The following FUT8 variants were observed in gnomAD, a reference collection of about 807,000 sequenced individuals.
The protein encoded by FUT8 is fucosyltransferase 8.
A neutral mutation model predicts 71.3 loss-of-function variants in FUT8; 29 were observed. That is an observed-to-expected ratio of 0.41 (90% CI 0.30 to 0.55). FUT8 has a LOEUF of 0.55. Ranked by LOEUF, FUT8 falls within the 20% of genes least tolerant of loss-of-function variation. The probability of loss-of-function intolerance (pLI) is 0.34; values close to 1 mark genes in which losing one functional copy is unlikely to be tolerated. For synonymous variants in FUT8, 254 were observed against 239.3 expected, an observed-to-expected ratio of 1.06 and a Z score of -0.57; for missense variants, 544 against 702.1, an observed-to-expected ratio of 0.77 and a Z score of 2.55.
intron 7 of FUT8, among the ~76,000 whole-genome samples, chr14:65,716,158 C>A (rs556322811): frequency 1.2e-4 from 19 of 152,236 alleles, no homozygotes; most frequent in African/African-American, 4.6e-4. Context: ...GTTTCTGATG[C>A]AGATTAAGTC....
chr14:65,722,189 T>C (rs956220697), intron 8 of FUT8, among the ~76,000 whole-genome samples, 168 bp downstream of exon 8: 1 of 152,248 alleles, frequency 6.6e-6, no homozygotes, highest in Non-Finnish European at 1.5e-5. Flanking sequence ...TTTTTTTTGT[T>C]TGTTTACTTA....
intron 7 of FUT8, among the ~76,000 whole-genome samples, chr14:65,716,999 G>T (rs191300461): frequency 0.013 from 1,883 of 145,378 alleles, 13 homozygotes; most frequent in Non-Finnish European, 0.022. Flanking sequence ...TCCCAGACGG[G>T]GTGGCCGGGC....
chr14:65,487,524 C>G (rs1313724630), intron 2 of FUT8, among the ~76,000 whole-genome samples: 1 of 145,696 alleles, frequency 6.9e-6, no homozygotes, highest in Non-Finnish European at 1.5e-5. Flanking sequence ...GATTGTGCCA[C>G]TGCACACTCC....
chr14:65,532,764 A>G (rs1381111857), intron 2 of FUT8, among the ~76,000 whole-genome samples: 2 of 151,888 alleles, frequency 1.3e-5, no homozygotes, highest in Admixed American at 6.6e-5. Flanking sequence ...AGGCTTTTTC[A>G]TAGTTTTGGG....
chr14:65,381,175 G>A, the FUT8 span, among the ~76,000 whole-genome samples: 1 of 152,122 alleles, frequency 6.6e-6, no homozygotes, highest in African/African-American at 2.4e-5. Context: ...TCTTTTTGAA[G>A]CCCCATCTCC....
chr14:65,376,919 G>A, the FUT8 span, among the ~76,000 whole-genome samples: 1 of 152,174 alleles, frequency 6.6e-6, no homozygotes. Context: ...GAAAAGGATG[G>A]ATGTGTCAGT....
chr14:65,724,792 T>C (rs945954672), intron 9 of FUT8, among the ~76,000 whole-genome samples: 28 of 152,214 alleles, frequency 1.8e-4, no homozygotes, highest in Admixed American at 1.3e-4. Flanking sequence ...TCTGTGCTCT[T>C]GTGACCTCTT....
At chr14:65,473,244 G>A (rs189993950) in intron 2 of FUT8, among the ~76,000 whole-genome samples, 12 of 152,168 alleles carry the variant, frequency 7.9e-5, no homozygotes, top group African/African-American at 2.4e-4. Flanking sequence ...TTTATTGTAC[G>A]TATTGCTGTA....
chr14:65,446,785 C>A (rs573393326), intron 1 of FUT8, among the ~76,000 whole-genome samples: 2 of 150,994 alleles, frequency 1.3e-5, no homozygotes, highest in African/African-American at 2.4e-5. Flanking sequence ...CTGCCCCTCA[C>A]CCTCTCTCTC....
intron 7 of FUT8, among the ~76,000 whole-genome samples, chr14:65,707,475 T>C (rs746212569): frequency 4.6e-5 from 7 of 152,178 alleles, no homozygotes; most frequent in Non-Finnish European, 1.0e-4. Flanking sequence ...TTTTCTTTGC[T>C]GTACAGAACG....
chr14:65,518,933 A>C (rs1882896041), intron 2 of FUT8, among the ~76,000 whole-genome samples: 2 of 152,236 alleles, frequency 1.3e-5, no homozygotes, highest in South Asian at 4.1e-4. Context: ...AGATAATTAC[A>C]GAAGTGAAGA....
intron 1 of FUT8, among the ~76,000 whole-genome samples, chr14:65,431,262 A>G (rs1200645304): frequency 6.8e-6 from 1 of 147,850 alleles, no homozygotes; most frequent in African/African-American, 2.5e-5. Context: ...TCGGCCTCCC[A>G]AAGTGTGGGA....
At chr14:65,451,939 A>G (rs1318475840) in intron 1 of FUT8, among the ~76,000 whole-genome samples, 2 of 152,276 alleles carry the variant, frequency 1.3e-5, no homozygotes, top group Middle Eastern at 6.8e-3. Flanking sequence ...GAAAACGGAG[A>G]TATAAGCTCT....
intron 8 of FUT8, among the ~76,000 whole-genome samples, chr14:65,722,415 T>C (rs1048734688): frequency 6.6e-6 from 1 of 152,136 alleles, no homozygotes; most frequent in Non-Finnish European, 1.5e-5. Context: ...GCCTCCCAAG[T>C]ATAATAGCTG....
chr14:65,558,906 T>C (rs1409820106), intron 2 of FUT8, among the ~76,000 whole-genome samples: 2 of 152,172 alleles, frequency 1.3e-5, no homozygotes, highest in Non-Finnish European at 2.9e-5. Flanking sequence ...CATGTTTTGC[T>C]CTTATAAAAA....
At chr14:65,581,898 T>TA (rs1887112604) in intron 3 of FUT8, among the ~76,000 whole-genome samples, 1 of 152,174 alleles carries the variant, frequency 6.6e-6, no homozygotes, top group African/African-American at 2.4e-5. Context: ...TATTCACATA[T>TA]AAATTGTGGT....
At chr14:65,362,177 A>G in the FUT8 span, among the ~76,000 whole-genome samples, 9 of 152,300 alleles carry the variant, frequency 5.9e-5, no homozygotes, top group Admixed American at 5.2e-4. Flanking sequence ...CTGTTTTACA[A>G]TCTATGATTT....
At chr14:65,734,661 GT>G (rs892348875) in intron 10 of FUT8, among the ~76,000 whole-genome samples, 1 of 152,116 alleles carries the variant, frequency 6.6e-6, no homozygotes, top group African/African-American at 2.4e-5. Context: ...CCTTGCAACT[GT>G]TTTTGAGAGT....
the FUT8 span, among the ~76,000 whole-genome samples, chr14:65,377,433 A>G: frequency 6.6e-6 from 1 of 152,226 alleles, no homozygotes; most frequent in African/African-American, 2.4e-5. Context: ...CAAATGTGAT[A>G]AAATGGGCAT....
Sources: gnomAD v4.1 joint callset for allele counts (sites outside exome capture counted in the v4.1 genomes callset) on GRCh38, gnomAD v4.1.1 for gene constraint, MANE v1.5 for transcripts, NCBI Gene and HGNC (gene_info 2026-07-23, HGNC 2026-07-21) for gene names.